Variants in LY96 observed in about 807,000 individuals in gnomAD.
LY96 encodes the protein lymphocyte antigen 96.
Under a neutral mutation model 18.9 loss-of-function variants are expected in LY96, and 18 were observed. The observed-to-expected ratio is 0.95, with a 90% CI of 0.66 to 1.41. The LOEUF is 1.41. Ranked by LOEUF, LY96 falls within the 40% of genes most tolerant of loss-of-function variation. The pLI is 0.00. For missense variants in LY96, 175 were observed against 182.4 expected (o/e 0.96, Z 0.23); for synonymous variants, 66 against 62.6 (o/e 1.06, Z -0.26).
chr8:74,089,935 G>C, the LY96 span, among the ~76,000 whole-genome samples: 2 of 151,986 alleles, frequency 1.3e-5, no homozygotes, highest in Non-Finnish European at 2.9e-5. Context: ...AGAAAGAGTG[G>C]GGAGGACAGG....
intron 3 of LY96, among the ~76,000 whole-genome samples, chr8:74,010,743 T>G (rs1383063583): frequency 6.6e-6 from 1 of 152,120 alleles, no homozygotes; most frequent in African/African-American, 2.4e-5. Flanking sequence ...AATTTTCCAG[T>G]CCTGTCATCT....
chr8:74,077,929 G>A, the LY96 span, among the ~76,000 whole-genome samples: 6 of 151,758 alleles, frequency 4.0e-5, no homozygotes, highest in Non-Finnish European at 8.8e-5. Context: ...GAAACGAAGC[G>A]AGACCTTGTC....
chr8:74,034,527 A>G, the LY96 span, among the ~76,000 whole-genome samples: 1 of 152,172 alleles, frequency 6.6e-6, no homozygotes, highest in Non-Finnish European at 1.5e-5. Context: ...GTGCCAGGTT[A>G]TCATTTTTCT....
At chr8:74,021,683 A>G (rs1331795649) in intron 3 of LY96, among the ~76,000 whole-genome samples, 1 of 152,214 alleles carries the variant, frequency 6.6e-6, no homozygotes, top group Non-Finnish European at 1.5e-5. Flanking sequence ...AATGTCCATC[A>G]ATGATAGACG....
At chr8:74,014,085 A>AT (rs11403178) in intron 3 of LY96, among the ~76,000 whole-genome samples, 7,860 of 151,746 alleles carry the variant, frequency 0.052, 279 homozygotes, top group Admixed American at 0.1. Flanking sequence ...TGAAAGAGAG[A>AT]TTTTTGGGAG....
the LY96 span, chr8:74,056,762 A>C: frequency 6.6e-6 from 1 of 152,380 alleles, no homozygotes; most frequent in Admixed American, 6.5e-5. Context: ...GTGAGGAAAC[A>C]GGGGCCTGAA....
intron 1 of LY96, among the ~76,000 whole-genome samples, chr8:74,000,969 A>G (rs1816250370): frequency 6.6e-6 from 1 of 152,194 alleles, no homozygotes; most frequent in Non-Finnish European, 1.5e-5. Flanking sequence ...AACAGCATTA[A>G]TTCATTCACA....
At chr8:74,036,574 A>C in the LY96 span, among the ~76,000 whole-genome samples, 1 of 152,114 alleles carries the variant, frequency 6.6e-6, no homozygotes, top group South Asian at 2.1e-4. Context: ...CATGAGAATT[A>C]TTTTTTACAC....
chr8:74,038,606 G>A, the LY96 span, among the ~76,000 whole-genome samples: 1 of 152,130 alleles, frequency 6.6e-6, no homozygotes, highest in African/African-American at 2.4e-5. Flanking sequence ...GACCAGGCTG[G>A]TCTTGAACTC....
intron 1 of LY96, among the ~76,000 whole-genome samples, chr8:74,000,538 C>G (rs1019350187): frequency 3.3e-5 from 5 of 152,184 alleles, no homozygotes; most frequent in African/African-American, 1.2e-4. Context: ...GAGCCCGCAT[C>G]AGAATTGCCC....
the LY96 span, among the ~76,000 whole-genome samples, chr8:74,070,161 G>T: frequency 6.6e-6 from 1 of 150,928 alleles, no homozygotes; most frequent in East Asian, 2.0e-4. Flanking sequence ...GCGCGATCTC[G>T]GCTCACTGCA....
intron 3 of LY96, among the ~76,000 whole-genome samples, chr8:74,015,370 A>G (rs1200075258): frequency 3.3e-5 from 5 of 152,186 alleles, no homozygotes; most frequent in Non-Finnish European, 7.3e-5. Context: ...CTCCCTCTGT[A>G]GGAGCTAGGC....
chr8:74,081,406 C>A, the LY96 span, among the ~76,000 whole-genome samples: 1 of 151,608 alleles, frequency 6.6e-6, no homozygotes, highest in Non-Finnish European at 1.5e-5. Context: ...CAGGTGCATG[C>A]CACTGTGCCT....
chr8:74,073,863 G>A, the LY96 span, among the ~76,000 whole-genome samples: 1 of 151,902 alleles, frequency 6.6e-6, no homozygotes, highest in Non-Finnish European at 1.5e-5. Context: ...TTGCCATGTT[G>A]GCCAGGCTGG....
chr8:74,015,216 T>C (rs1444199305), intron 3 of LY96, among the ~76,000 whole-genome samples: 1 of 152,060 alleles, frequency 6.6e-6, no homozygotes, highest in Non-Finnish European at 1.5e-5. Flanking sequence ...AAAAAAAAAT[T>C]CATAAGCCTG....
chr8:74,028,985 T>C lies in LY96; in HGVS notation c.414T>C (p.Ile138=). ...AATACAAATGTGTTGTTGAAGCTAT[T>C]TCTGGGAGCCCAGAAGAAATGCTCT... ...KGKYKCVVEA[I]SGSPEEMLFC... is the part of the protein sequence containing the mutation. The change falls in exon 5 of 5, where the codon ATT becomes ATC. Residue 138 remains isoleucine, a synonymous_variant. Transcript: ENST00000284818. 6.2e-7 allele frequency: 1 copy of C among 1,611,506 alleles called. No homozygotes were observed. Among genetic ancestry groups the C allele is most frequent in the African/African-American group, 1.3e-5 (1 of 75,026 alleles).
At chr8:74,001,080 A>T (rs893490840) in intron 1 of LY96, among the ~76,000 whole-genome samples, 2 of 152,198 alleles carry the variant, frequency 1.3e-5, no homozygotes, top group South Asian at 4.1e-4. Context: ...CAGGCAATGC[A>T]TTCAAACCAT....
intron 1 of LY96, among the ~76,000 whole-genome samples, chr8:73,995,411 C>T (rs1170974598): frequency 4.6e-5 from 7 of 152,176 alleles, no homozygotes; most frequent in Admixed American, 6.5e-5. Flanking sequence ...TCCAAATTTC[C>T]TCTTCTTATA....
intron 3 of LY96, among the ~76,000 whole-genome samples, chr8:74,017,700 C>G (rs1234650302): frequency 1.3e-5 from 2 of 152,230 alleles, no homozygotes; most frequent in Non-Finnish European, 2.9e-5. Flanking sequence ...AACAGTGGAT[C>G]TCTTGGCAGA....
Sources: allele counts gnomAD v4.1 joint callset (sites outside exome capture counted in the v4.1 genomes callset), GRCh38; gene constraint gnomAD v4.1.1; transcripts MANE v1.5; gene names NCBI Gene and HGNC (gene_info 2026-07-23, HGNC 2026-07-21).